UBN1: variants seen among roughly 807,000 people sequenced by gnomAD.
The protein encoded by UBN1 is ubinuclein 1.
UBN1 carries 17 observed loss-of-function variants against 108.5 expected under a neutral mutation model. The ratio of observed to expected loss-of-function variants is 0.16; its 90% CI spans 0.11 to 0.24. The LOEUF (loss-of-function observed/expected upper bound fraction) is 0.24, where lower values mean the gene tolerates loss of function less well. Ranked by LOEUF, UBN1 falls within the 10% of genes least tolerant of loss-of-function variation. The pLI is 1.00. For synonymous variants in UBN1, 726 were observed against 564.2 expected, an observed-to-expected ratio of 1.29 and a Z score of -4.07; for missense variants, 1,595 against 1,394.4, an observed-to-expected ratio of 1.14 and a Z score of -2.29.
At chr16:4,860,105 G>A (rs1236745350) in intron 6 of UBN1, 137 bp downstream of exon 6, 24 of 1,047,238 alleles carry the variant, frequency 2.3e-5, no homozygotes, top group South Asian at 6.5e-5. Context: ...CACGCCTCCC[G>A]CAGTGCCATT....
At chr16:4,861,244 A>G in intron 7 of UBN1, 142 bp downstream of exon 7, 1 of 930,460 alleles carries the variant, frequency 1.1e-6, no homozygotes, top group Non-Finnish European at 1.6e-6. Flanking sequence ...CCCTATTCTC[A>G]TCCTGAGGGA....
At chr16:4,858,797 G>C (rs967444860) in intron 4 of UBN1, 134 bp downstream of exon 4, 4 of 967,702 alleles carry the variant, frequency 4.1e-6, no homozygotes, top group Non-Finnish European at 6.3e-6. Flanking sequence ...GCACTGATGA[G>C]AGACGAAATG....
intron 1 of UBN1, among the ~76,000 whole-genome samples, chr16:4,850,463 C>T (rs1361958754): frequency 6.6e-6 from 1 of 152,230 alleles, no homozygotes; most frequent in Non-Finnish European, 1.5e-5. Flanking sequence ...TATAGTGAGA[C>T]TGTTCCGGTT....
At chr16:4,870,483 A>C in intron 9 of UBN1, 33 bp from the exon 10 acceptor site, 2 of 1,613,880 alleles carry the variant, frequency 1.2e-6, no homozygotes, top group Non-Finnish European at 1.7e-6. Context: ...GCGATGTGTA[A>C]ACCTGCCTTG....
intron 7 of UBN1, among the ~76,000 whole-genome samples, chr16:4,863,763 G>A (rs1013520738): frequency 6.6e-6 from 1 of 152,114 alleles, no homozygotes; most frequent in African/African-American, 2.4e-5. Flanking sequence ...CTGGGCCAAC[G>A]CTCATGGCTG....
chr16:4,879,460 T>C (rs911174560), intron 17 of UBN1, among the ~76,000 whole-genome samples: 1 of 151,022 alleles, frequency 6.6e-6, no homozygotes, highest in Admixed American at 6.6e-5. Context: ...TAAAAAAATT[T>C]TTTTTAATCA....
intron 1 of UBN1, among the ~76,000 whole-genome samples, chr16:4,849,025 G>T (rs78184928): frequency 6.6e-6 from 1 of 152,236 alleles, no homozygotes; most frequent in Admixed American, 6.5e-5. Flanking sequence ...CGCTTAACCC[G>T]GGAAGCGGAG....
chr16:4,861,680 G>A (rs1239817866), intron 7 of UBN1, among the ~76,000 whole-genome samples: 1 of 152,192 alleles, frequency 6.6e-6, no homozygotes, highest in Middle Eastern at 3.2e-3. Context: ...AGTGGCTCAC[G>A]CCTGTAATCC....
Position 4,877,125 on chromosome 16 carries a change from T to G in UBN1, c.3265+14T>G. 1.3e-6 allele frequency: 2 copies of G among 1,596,448 alleles called. No individual in the cohort carries two copies. Among genetic ancestry groups the G allele is most frequent in the South Asian group, 1.1e-5 (1 of 88,056 alleles). ...GCCTTGGCCACAGTAAGTGCTTCTT[T>G]GCTGCCTCTGGTCACTCAGGAACCT... On this transcript the variant is annotated intron_variant, in intron 16 of 17. Coordinates refer to ENST00000262376, the MANE Select transcript of UBN1 (RefSeq NM_001079514.3). The surrounding 1 kb of genome is among the most constrained non-coding windows in gnomAD (Gnocchi z 4.3).
chr16:4,864,761 C>A (rs1010784571), intron 7 of UBN1, among the ~76,000 whole-genome samples: 1 of 152,040 alleles, frequency 6.6e-6, no homozygotes, highest in African/African-American at 2.4e-5. Flanking sequence ...GAGCAGGAAT[C>A]AAAGAGACCC....
chr16:4,875,603 T>G (rs1372771937), intron 15 of UBN1, among the ~76,000 whole-genome samples, 169 bp downstream of exon 15: 1 of 152,138 alleles, frequency 6.6e-6, no homozygotes, highest in Admixed American at 6.5e-5. Flanking sequence ...AGGTATTCAC[T>G]TTTCTGGTGA....
Position 4,856,414 on chromosome 16 carries a change from T to C in UBN1, c.250-1576T>C, listed in dbSNP as rs958843033. 2.4e-4 allele frequency among the ~76,000 whole-genome samples: 37 copies of C among 152,200 alleles called. 1 individual carries two copies. The highest frequency in any genetic ancestry group is 1.0e-4 in the Non-Finnish European group (7 of 68,032). ...CAGCAGTTCTTTTAGTGTATAGTCCTTAATAGTATGAAGGCATTGTGCTAG... is the reference window on the plus strand; with the variant it reads ...CAGCAGTTCTTTTAGTGTATAGTCCCTAATAGTATGAAGGCATTGTGCTAG... On this transcript the variant is annotated intron_variant, in intron 2 of 17. Coordinates refer to ENST00000262376, the MANE Select transcript of UBN1 (RefSeq NM_001079514.3).
At chr16:4,850,822 A>G (rs775634879) in intron 1 of UBN1, among the ~76,000 whole-genome samples, 16 of 152,212 alleles carry the variant, frequency 1.1e-4, no homozygotes, top group Non-Finnish European at 1.9e-4. Flanking sequence ...ATTAACTCAC[A>G]TTTGTGATTG....
chr16:4,873,506 CTG>C (rs773668055), intron 14 of UBN1, among the ~76,000 whole-genome samples: 6 of 152,196 alleles, frequency 3.9e-5, no homozygotes, highest in South Asian at 2.1e-4. Context: ...AGAATAGACA[CTG>C]TGAAAATTAC....
At chr16:4,875,541 G>C (rs1331438222) in intron 15 of UBN1, 107 bp downstream of exon 15, 1 of 1,452,792 alleles carries the variant, frequency 6.9e-7, no homozygotes, top group Non-Finnish European at 9.2e-7. Context: ...CCACAGGTCA[G>C]GTAGGAACAG....
Position 4,874,754 on chromosome 16 carries a change from A to G in UBN1, c.2344A>G (p.Lys782Glu), listed in dbSNP as rs775174110. The change falls in exon 15 of 18, where the codon AAG becomes GAG. Residue 782 changes from lysine to glutamate, a missense_variant. Physicochemically the swap from Lys to Glu is moderately conservative, Grantham distance 56 (BLOSUM62 1). Transcript: ENST00000262376. The part of the protein sequence containing the change: ...GLPEVHQSKA[K>E]HHSLPRTSHG... ...GCCAGAAGTACATCAGTCCAAAGCT[A>G]AGCACCACAGCTTGCCACGGACGTC... 1 of 1,614,094 alleles carries G rather than the reference A, an allele frequency of 6.2e-7. No individual in the cohort carries two copies. The highest frequency in any genetic ancestry group is 1.1e-5 in the South Asian group (1 of 91,082).
chr16:4,855,001 C>T (rs1346770371), intron 2 of UBN1, among the ~76,000 whole-genome samples: 2 of 152,138 alleles, frequency 1.3e-5, no homozygotes, highest in Admixed American at 6.5e-5. Context: ...GGATTACAGG[C>T]GTGAGCCACC....
At position 4,870,253 on chromosome 16, in the gene UBN1, C is replaced by G; in HGVS notation, c.1223C>G (p.Ser408Cys). Residue 408 changes from serine to cysteine, a missense_variant, in exon 9 of 18, where the codon TCT becomes TGT. Transcript: ENST00000262376. ...QTRELSSQVR[S>C]GVYAYLASFL... Reference sequence around the variant, plus strand: ...CGGGAGCTGAGCAGTCAGGTCCGCTCTGGGGTGTATGCCTATCTTGCGTCA... The same window carrying G: ...CGGGAGCTGAGCAGTCAGGTCCGCTGTGGGGTGTATGCCTATCTTGCGTCA... The G allele has an allele frequency of 6.2e-7, 1 of 1,614,248 alleles. No individual in the cohort carries two copies. The highest frequency in any genetic ancestry group is 8.5e-7 in the Non-Finnish European group (1 of 1,180,046).
At chr16:4,870,431 T>A in intron 9 of UBN1, 85 bp from the exon 10 acceptor site, 1 of 1,609,744 alleles carries the variant, frequency 6.2e-7, no homozygotes, top group East Asian at 2.2e-5. Flanking sequence ...GCTGCCCCAC[T>A]GCCTCCTTGT....
Sources: gnomAD v4.1 joint callset for allele counts (sites outside exome capture counted in the v4.1 genomes callset) on GRCh38, gnomAD v4.1.1 for gene constraint, Gnocchi (gnomAD v3.1) non-coding constraint, MANE v1.5 for transcripts, NCBI Gene and HGNC (gene_info 2026-07-23, HGNC 2026-07-21) for gene names.